Variants in FIRRM observed in about 807,000 individuals in gnomAD.
FIRRM encodes FIGNL1-interacting regulator of recombination and mitosis.
the FIRRM span, chr1:169,851,551 G>A: frequency 2.3e-6 from 1 of 434,220 alleles, no homozygotes; most frequent in Non-Finnish European, 4.1e-6. Context: ...CACTGCTGTT[G>A]CCAGTTTCTT....
chr1:169,795,009 A>G, the FIRRM span: 5,051 of 969,216 alleles, frequency 5.2e-3, 43 homozygotes, highest in Non-Finnish European at 5.3e-3. Context: ...ATGGTTTTGG[A>G]GCCGGCGGAG....
chr1:169,847,792 G>A, the FIRRM span: 1 of 1,595,448 alleles, frequency 6.3e-7, no homozygotes, highest in Non-Finnish European at 8.6e-7. Context: ...TTTTATACCT[G>A]AAGCTATCCA....
the FIRRM span, among the ~76,000 whole-genome samples, chr1:169,838,954 C>T: frequency 6.6e-6 from 1 of 152,090 alleles, no homozygotes. Flanking sequence ...CCCTACTAGT[C>T]CCGTGTTTAT....
chr1:169,843,121 C>T, the FIRRM span, among the ~76,000 whole-genome samples: 11 of 152,144 alleles, frequency 7.2e-5, no homozygotes, highest in Non-Finnish European at 1.3e-4. Context: ...AAGCTAAAGG[C>T]AACAGCCATA....
At chr1:169,830,135 C>T in the FIRRM span, 1 of 727,614 alleles carries the variant, frequency 1.4e-6, no homozygotes, top group Non-Finnish European at 2.2e-6. Context: ...AGTAGAACTC[C>T]CCCATTGAGG....
chr1:169,847,841 A>G, the FIRRM span: 2 of 1,392,160 alleles, frequency 1.4e-6, no homozygotes, highest in African/African-American at 2.9e-5. Flanking sequence ...TTATTAAAAC[A>G]AAATCTCTAT....
At chr1:169,808,608 G>GT in the FIRRM span, among the ~76,000 whole-genome samples, 83,290 of 142,284 alleles carry the variant, frequency 0.59, 24,519 homozygotes, top group Middle Eastern at 0.69. Context: ...TATGTCATTT[G>GT]TTTTTTTTTT....
the FIRRM span, chr1:169,830,358 T>C: frequency 2.8e-5 from 45 of 1,607,138 alleles, no homozygotes; most frequent in Admixed American, 4.5e-4. Flanking sequence ...CATATTTGCT[T>C]TTTTGTTCTT....
At chr1:169,852,962 AAC>A in the FIRRM span, 2 of 1,614,096 alleles carry the variant, frequency 1.2e-6, no homozygotes, top group Middle Eastern at 1.6e-4. Flanking sequence ...GATAAGCTAA[AAC>A]GTTACATACA....
the FIRRM span, chr1:169,798,910 T>C: frequency 1.5e-6 from 2 of 1,313,212 alleles, no homozygotes; most frequent in South Asian, 1.4e-5. Context: ...TCTTCCTTAA[T>C]TATCCTACTC....
chr1:169,842,427 T>C, the FIRRM span: 2 of 1,613,958 alleles, frequency 1.2e-6, no homozygotes, highest in Non-Finnish European at 1.7e-6. Flanking sequence ...AACACAGTAC[T>C]GTCTGCTTTG....
chr1:169,853,927 T>C, the FIRRM span: 3 of 820,416 alleles, frequency 3.7e-6, no homozygotes, highest in African/African-American at 3.5e-5. Flanking sequence ...TAACAGAAAG[T>C]TGAAAAGTAG....
the FIRRM span, among the ~76,000 whole-genome samples, chr1:169,831,980 A>G: frequency 6.6e-6 from 1 of 152,108 alleles, no homozygotes; most frequent in South Asian, 2.1e-4. Context: ...GCTAGTTTCA[A>G]ACTCCCGGGC....
the FIRRM span, among the ~76,000 whole-genome samples, chr1:169,797,163 A>C: frequency 6.6e-6 from 1 of 152,220 alleles, no homozygotes; most frequent in African/African-American, 2.4e-5. Flanking sequence ...TAAAGGGCTA[A>C]AAATATTTCA....
At chr1:169,832,517 A>T in the FIRRM span, 6 of 1,595,926 alleles carry the variant, frequency 3.8e-6, no homozygotes, top group Non-Finnish European at 5.2e-6. Flanking sequence ...GCAAGGAAGG[A>T]TATCATCTTT....
At chr1:169,793,695 T>A in the FIRRM span, 1 of 1,573,366 alleles carries the variant, frequency 6.4e-7, no homozygotes, top group Non-Finnish European at 8.6e-7. Flanking sequence ...TGAAAGGTCA[T>A]CCTCTTATTA....
At chr1:169,820,511 A>G in the FIRRM span, among the ~76,000 whole-genome samples, 1 of 152,212 alleles carries the variant, frequency 6.6e-6, no homozygotes, top group Non-Finnish European at 1.5e-5. Context: ...CTTAGCCAAG[A>G]GGGACTTTAC....
the FIRRM span, chr1:169,830,833 C>A: frequency 1.7e-6 from 2 of 1,181,160 alleles, no homozygotes; most frequent in Non-Finnish European, 2.5e-6. Flanking sequence ...TGAATATCGG[C>A]GGGAGAAATA....
chr1:169,803,964 A>G, the FIRRM span: 3 of 590,754 alleles, frequency 5.1e-6, no homozygotes, highest in African/African-American at 3.8e-5. Context: ...CTAAACAATG[A>G]ATGAATATGT....
Sources: gnomAD v4.1 joint callset for allele counts (sites outside exome capture counted in the v4.1 genomes callset) on GRCh38, gnomAD v4.1.1 for gene constraint, MANE v1.5 for transcripts, NCBI Gene and HGNC (gene_info 2026-07-23, HGNC 2026-07-21) for gene names.